Variants in EEFSEC observed in about 807,000 individuals in gnomAD.
EEFSEC encodes selenocysteine-specific elongation factor.
Under a neutral mutation model 42.1 loss-of-function variants are expected in EEFSEC, and 43 were observed. That is an observed-to-expected ratio of 1.02 (90% CI 0.80 to 1.32). The LOEUF (loss-of-function observed/expected upper bound fraction) is 1.32, where lower values mean the gene tolerates loss of function less well. Ranked by LOEUF, EEFSEC falls within the 40% of genes most tolerant of loss-of-function variation. The pLI, the probability that EEFSEC is intolerant of heterozygous loss-of-function variation, is 0.00. For missense variants in EEFSEC, 745 were observed against 803.6 expected (o/e 0.93, Z 0.88); for synonymous variants, 354 against 339.1 (o/e 1.04, Z -0.48).
At chr3:128,369,562 G>C (rs1360890816) in intron 6 of EEFSEC, among the ~76,000 whole-genome samples, 3 of 152,126 alleles carry the variant, frequency 2.0e-5, no homozygotes, top group Non-Finnish European at 4.4e-5. Context: ...GTGCACACTT[G>C]GCATTTTCAG....
chr3:128,400,470 G>A (rs577646663), intron 6 of EEFSEC, among the ~76,000 whole-genome samples: 1 of 152,316 alleles, frequency 6.6e-6, no homozygotes. Flanking sequence ...GCTCCCAGCT[G>A]TCAGTCATCA....
intron 1 of EEFSEC, among the ~76,000 whole-genome samples, chr3:128,210,764 G>A (rs557273722): frequency 1.3e-5 from 2 of 152,308 alleles, no homozygotes; most frequent in South Asian, 4.1e-4. Context: ...CTTGTGTTTG[G>A]TGGGAATTTT....
At chr3:128,354,419 G>T (rs1282947105) in intron 5 of EEFSEC, among the ~76,000 whole-genome samples, 1 of 152,180 alleles carries the variant, frequency 6.6e-6, no homozygotes, top group Admixed American at 6.5e-5. Context: ...TATCCCGGAT[G>T]CTTAAAACAA....
chr3:128,254,641 T>C (rs1167401683), intron 2 of EEFSEC, among the ~76,000 whole-genome samples: 1 of 152,116 alleles, frequency 6.6e-6, no homozygotes, highest in East Asian at 1.9e-4. Context: ...CAGTGTGAGC[T>C]TGGGTTTTAA....
chr3:128,223,536 A>G (rs9873786), intron 1 of EEFSEC, among the ~76,000 whole-genome samples: 87,610 of 152,024 alleles, frequency 0.58, 27,954 homozygotes, highest in Non-Finnish European at 0.73. Flanking sequence ...TTGTGTCACT[A>G]TTGAATTATG....
chr3:128,362,724 C>G (rs2067542968), intron 6 of EEFSEC, among the ~76,000 whole-genome samples: 1 of 152,220 alleles, frequency 6.6e-6, no homozygotes, highest in African/African-American at 2.4e-5. Context: ...AACAGAGCTG[C>G]AAGTGCTTAC....
intron 6 of EEFSEC, among the ~76,000 whole-genome samples, chr3:128,395,922 G>A (rs1303812097): frequency 6.6e-6 from 1 of 152,162 alleles, no homozygotes; most frequent in Non-Finnish European, 1.5e-5. Flanking sequence ...AAAAACCAAA[G>A]CTCCGAGCAG....
At chr3:128,325,353 G>A (rs780022695) in intron 4 of EEFSEC, among the ~76,000 whole-genome samples, 2 of 152,236 alleles carry the variant, frequency 1.3e-5, no homozygotes, top group Non-Finnish European at 2.9e-5. Context: ...TCCCACTTCA[G>A]TCAGGCCTTG....
intron 4 of EEFSEC, among the ~76,000 whole-genome samples, chr3:128,324,231 A>G (rs1454060634): frequency 6.6e-6 from 1 of 152,228 alleles, no homozygotes; most frequent in Non-Finnish European, 1.5e-5. Flanking sequence ...CCTCACTTTT[A>G]TGTTAAAACA....
chr3:128,377,237 A>G (rs1353931449), intron 6 of EEFSEC, among the ~76,000 whole-genome samples: 13 of 151,762 alleles, frequency 8.6e-5, no homozygotes, highest in African/African-American at 1.2e-4. Context: ...ATTCTTTTCA[A>G]TTAATATTTA....
intron 1 of EEFSEC, among the ~76,000 whole-genome samples, chr3:128,232,479 C>G (rs889896759): frequency 7.9e-5 from 12 of 152,106 alleles, no homozygotes; most frequent in African/African-American, 2.9e-4. Context: ...CGAGCTTGCC[C>G]TGAGTGGTAG....
intron 3 of EEFSEC, among the ~76,000 whole-genome samples, chr3:128,263,707 C>T (rs574118285): frequency 1.3e-5 from 2 of 152,310 alleles, no homozygotes; most frequent in East Asian, 3.9e-4. Flanking sequence ...TTTTTGACAG[C>T]CTGTTCCCTT....
chr3:128,376,014 A>G (rs771360197), intron 6 of EEFSEC, among the ~76,000 whole-genome samples: 10 of 152,230 alleles, frequency 6.6e-5, no homozygotes, highest in Non-Finnish European at 1.0e-4. Flanking sequence ...GCTTGATCCC[A>G]GGACTCAGCC....
intron 1 of EEFSEC, among the ~76,000 whole-genome samples, chr3:128,194,990 G>A (rs893164916): frequency 6.6e-5 from 10 of 151,864 alleles, no homozygotes; most frequent in Admixed American, 1.3e-4. Flanking sequence ...CTCCCTCCTC[G>A]CTCCTCCTTC....
At chr3:128,226,978 C>T (rs749423115) in intron 1 of EEFSEC, among the ~76,000 whole-genome samples, 41 of 152,282 alleles carry the variant, frequency 2.7e-4, no homozygotes, top group Non-Finnish European at 4.9e-4. Flanking sequence ...GCCTGCCTGT[C>T]GCCTCCACCA....
At chr3:128,311,243 C>G (rs573543782) in intron 4 of EEFSEC, among the ~76,000 whole-genome samples, 1 of 152,318 alleles carries the variant, frequency 6.6e-6, no homozygotes, top group African/African-American at 2.4e-5. Flanking sequence ...CAACTGTGGA[C>G]CCATGTGAAG....
intron 4 of EEFSEC, among the ~76,000 whole-genome samples, chr3:128,298,048 G>A (rs1366519204): frequency 6.6e-6 from 1 of 152,214 alleles, no homozygotes; most frequent in Non-Finnish European, 1.5e-5. Context: ...GCAATATTTT[G>A]CCAGATAAGC....
chr3:128,279,245 G>A (rs571836686), intron 4 of EEFSEC, among the ~76,000 whole-genome samples: 8 of 152,302 alleles, frequency 5.3e-5, no homozygotes, highest in Non-Finnish European at 7.3e-5. Flanking sequence ...CGGGCTGTGC[G>A]GCCACTTAAC....
chr3:128,220,944 C>T (rs2065855637), intron 1 of EEFSEC, among the ~76,000 whole-genome samples: 1 of 152,232 alleles, frequency 6.6e-6, no homozygotes. Context: ...GTCTACAACA[C>T]AACTCTGTTT....
Sources: gnomAD v4.1 joint callset for allele counts (sites outside exome capture counted in the v4.1 genomes callset) on GRCh38, gnomAD v4.1.1 for gene constraint, MANE v1.5 for transcripts, NCBI Gene and HGNC (gene_info 2026-07-23, HGNC 2026-07-21) for gene names.